SCAPER: variants seen among roughly 807,000 people sequenced by gnomAD.
SCAPER encodes the protein S phase cyclin A-associated protein in the endoplasmic reticulum.
SCAPER carries 98 observed loss-of-function variants against 182.2 expected under a neutral mutation model. The ratio of observed to expected loss-of-function variants is 0.54; its 90% CI spans 0.46 to 0.64. SCAPER has a LOEUF of 0.64. SCAPER is among the 30% of genes least tolerant of loss of function. The probability of loss-of-function intolerance (pLI) is 0.00; values close to 1 mark genes in which losing one functional copy is unlikely to be tolerated. For synonymous variants in SCAPER, 605 were observed against 564.6 expected (o/e 1.07, Z -1.01); for missense variants, 1,432 against 1,690.0 (o/e 0.85, Z 2.68).
intron 23 of SCAPER, among the ~76,000 whole-genome samples, chr15:76,532,239 C>G (rs571783802): frequency 7.6e-4 from 116 of 152,258 alleles, no homozygotes; most frequent in South Asian, 2.1e-3. Context: ...TGGCAATGCT[C>G]TCCCTCATCA....
chr15:76,673,506 A>C lies in SCAPER; in HGVS notation c.2509-7717T>G, dbSNP rs191067325. Among the ~76,000 whole-genome samples, 320 of 152,248 alleles carry C rather than the reference A, an allele frequency of 2.1e-3. 2 individuals carry two copies. Among genetic ancestry groups the C allele is most frequent in the East Asian group, 9.6e-4 (5 of 5,188 alleles). On this transcript the variant is annotated intron_variant, in intron 20 of 31. Transcript: ENST00000563290. Reference sequence around the variant, plus strand: ...ATGTGTTGGGCAGGATAGAGTAAATATGGTTATATTATAATTCTATCATCT... The same window carrying C: ...ATGTGTTGGGCAGGATAGAGTAAATCTGGTTATATTATAATTCTATCATCT...
At chr15:76,680,411 G>GATGATGATA (rs1032738002) in intron 20 of SCAPER, among the ~76,000 whole-genome samples, 52 of 142,592 alleles carry the variant, frequency 3.6e-4, no homozygotes, top group African/African-American at 1.2e-3. Flanking sequence ...TGATGATGAT[G>GATGATGATA]ATAATAATAA....
chr15:76,828,633 G>T (rs926973890), intron 5 of SCAPER, among the ~76,000 whole-genome samples: 1 of 152,122 alleles, frequency 6.6e-6, no homozygotes, highest in Non-Finnish European at 1.5e-5. Context: ...AGACTACAAT[G>T]CATGAAACAC....
rs2074804662 is a variant in SCAPER, at chr15:76,901,793, C to G, written c.-60+3506G>C. Among the ~76,000 whole-genome samples the G allele has an allele frequency of 1.3e-5, 2 of 152,008 alleles. 1 individual carries two copies. Among genetic ancestry groups the G allele is most frequent in the South Asian group, 4.2e-4 (2 of 4,818 alleles). ...GCAGTGCAGTGGCACGATCTCAGCT[C>G]ACTGCAACCTCCACCTCCCGGATTC... On this transcript the variant is annotated intron_variant, in intron 1 of 31. Coordinates refer to ENST00000563290, the MANE Select transcript of SCAPER (RefSeq NM_020843.4).
intron 8 of SCAPER, chr15:76,793,478 A>C (rs2151464094): frequency 2.0e-6 from 1 of 511,130 alleles, no homozygotes; most frequent in East Asian, 3.3e-5. Context: ...AAGGAGCTGA[A>C]GGTTAGGTTG....
chr15:76,421,336 CATT>C (rs1317680899), intron 26 of SCAPER, among the ~76,000 whole-genome samples: 1 of 152,180 alleles, frequency 6.6e-6, no homozygotes, highest in Non-Finnish European at 1.5e-5. Flanking sequence ...GATGGTATCT[CATT>C]GTGGTTTTGA....
intron 17 of SCAPER, among the ~76,000 whole-genome samples, 178 bp downstream of exon 17, chr15:76,728,417 C>T (rs1327938804): frequency 6.6e-6 from 1 of 151,954 alleles, no homozygotes; most frequent in Non-Finnish European, 1.5e-5. Context: ...ACCTGTAGTC[C>T]AAGCTACTCA....
At chr15:76,517,333 C>A (rs547147419) in intron 23 of SCAPER, among the ~76,000 whole-genome samples, 1 of 150,984 alleles carries the variant, frequency 6.6e-6, no homozygotes, top group Non-Finnish European at 1.5e-5. Flanking sequence ...CTTAGTCGAG[C>A]TTTCCTTTAT....
chr15:76,444,613 C>G (rs1463967122), intron 25 of SCAPER, among the ~76,000 whole-genome samples: 4 of 152,198 alleles, frequency 2.6e-5, no homozygotes, highest in Non-Finnish European at 5.9e-5. Flanking sequence ...CTTGAACCCA[C>G]ACATTTACAT....
intron 25 of SCAPER, among the ~76,000 whole-genome samples, chr15:76,469,052 G>A (rs1367293401): frequency 6.6e-6 from 1 of 152,132 alleles, no homozygotes; most frequent in Admixed American, 6.6e-5. Context: ...ATGGTATTTT[G>A]TAATTGCAGC....
chr15:76,372,347 G>C lies in SCAPER; in HGVS notation c.3855+3815C>G, dbSNP rs144373006. Among the ~76,000 whole-genome samples the C allele has an allele frequency of 1.3e-3, 201 of 152,262 alleles. 6 individuals are homozygous for C. The East Asian group carries it at 0.028, about 21-fold the overall frequency. Reference sequence around the variant, plus strand: ...AGTGCTCTCTCCACCCATTTCATCTGCTTTTTTTCCCCATCCCAGCATTCC... The same window carrying C: ...AGTGCTCTCTCCACCCATTTCATCTCCTTTTTTTCCCCATCCCAGCATTCC... On this transcript the variant is annotated intron_variant, in intron 29 of 31. Transcript: ENST00000563290.
intron 17 of SCAPER, among the ~76,000 whole-genome samples, chr15:76,714,135 A>T (rs1222118340): frequency 6.6e-6 from 1 of 152,200 alleles, no homozygotes; most frequent in Non-Finnish European, 1.5e-5. Context: ...GACAGACAAG[A>T]GAGAAAGTAA....
intron 29 of SCAPER, among the ~76,000 whole-genome samples, chr15:76,370,397 C>T (rs573612300): frequency 3.3e-5 from 5 of 149,612 alleles, no homozygotes; most frequent in African/African-American, 7.5e-5. Context: ...CTCTGCCTCC[C>T]GGGTTCAAGC....
In SCAPER at chr15:76,767,376, G is replaced by A. The variant is rs1439762365; in HGVS notation, c.1249-288C>T. Reference sequence around the variant, plus strand: ...AAACTGTGAAATTATATAAATAACAGGTAGTGTGAATTTCATTTGAGTGCC... The same window carrying A: ...AAACTGTGAAATTATATAAATAACAAGTAGTGTGAATTTCATTTGAGTGCC... On this transcript the variant is annotated intron_variant, in intron 10 of 31. Coordinates refer to ENST00000563290, the MANE Select transcript of SCAPER (RefSeq NM_020843.4). Among the ~76,000 whole-genome samples, 3 of 151,916 alleles carry A rather than the reference G, an allele frequency of 2.0e-5. No homozygotes were observed. In the East Asian group the frequency reaches 5.8e-4, roughly 29 times the overall value.
At chr15:76,633,068 C>T (rs540113430) in intron 21 of SCAPER, among the ~76,000 whole-genome samples, 73 of 152,266 alleles carry the variant, frequency 4.8e-4, no homozygotes, top group African/African-American at 1.5e-3. Flanking sequence ...TGTAAGCCAC[C>T]GTGCCCAGCC....
At chr15:76,460,637 T>G (rs1596756890) in intron 25 of SCAPER, among the ~76,000 whole-genome samples, 1 of 152,150 alleles carries the variant, frequency 6.6e-6, no homozygotes, top group African/African-American at 2.4e-5. Context: ...CTTTTGGATA[T>G]CCAGTGATAT....
chr15:76,832,177 G>A (rs116497876), intron 5 of SCAPER, among the ~76,000 whole-genome samples: 2,195 of 152,262 alleles, frequency 0.014, 53 homozygotes, highest in African/African-American at 0.051. Context: ...TCAGAATCTG[G>A]ATGGGAAGGA....
Position 76,497,124 on chromosome 15 carries a change from T to TTTTTTTTTTTTTTTC in SCAPER, c.2954+7734_2954+7735insGAAAAAAAAAAAAAA, listed in dbSNP as rs1555456895. ...TTGGTCTCCTCTTTTTTTTTTTTTT[T>TTTTTTTTTTTTTTTC]CCCAAAACGGCCTTCCTTAGTCCTG... On this transcript the variant is annotated intron_variant, in intron 24 of 31. Transcript: ENST00000563290. 5.7e-5 allele frequency among the ~76,000 whole-genome samples: 8 copies of TTTTTTTTTTTTTTTC among 139,490 alleles called. 1 individual carries two copies. Among genetic ancestry groups the TTTTTTTTTTTTTTTC allele is most frequent in the South Asian group, 4.5e-4 (2 of 4,420 alleles). The allele number at this position is 139,490 out of a possible 152,430, so 91.5% of individuals were successfully genotyped here. A position where few individuals can be genotyped will look rare whatever the true frequency, so the allele number is the denominator to read the frequency against.
intron 3 of SCAPER, among the ~76,000 whole-genome samples, chr15:76,860,739 TA>T (rs967796591): frequency 6.6e-6 from 1 of 151,840 alleles, no homozygotes; most frequent in Non-Finnish European, 1.5e-5. Context: ...GGACCAAATG[TA>T]AAAAAGATAA....
Sources: gnomAD v4.1 joint callset for allele counts (sites outside exome capture counted in the v4.1 genomes callset) on GRCh38, gnomAD v4.1.1 for gene constraint, MANE v1.5 for transcripts, NCBI Gene and HGNC (gene_info 2026-07-23, HGNC 2026-07-21) for gene names.